ZNF518A: variants seen among roughly 807,000 people sequenced by gnomAD.
ZNF518A encodes the protein zinc finger protein 518.
A neutral mutation model predicts 102.7 loss-of-function variants in ZNF518A; 47 were observed. That is an observed-to-expected ratio of 0.46 (90% CI 0.36 to 0.58). The LOEUF is 0.58. Ranked by LOEUF, ZNF518A falls within the 20% of genes least tolerant of loss-of-function variation. ZNF518A has a pLI of 0.00. For synonymous variants in ZNF518A, 652 were observed against 594.6 expected (o/e 1.10, Z -1.40); for missense variants, 1,793 against 1,699.8 (o/e 1.05, Z -0.96).
In ZNF518A at chr10:96,157,785, C is replaced by G. The variant is rs782441860; in HGVS notation, c.1463C>G (p.Thr488Ser). The G allele has an allele frequency of 3.1e-6, 5 of 1,613,740 alleles. No individual in the cohort carries two copies. Among genetic ancestry groups the G allele is most frequent in the Non-Finnish European group, 4.2e-6 (5 of 1,179,786 alleles). Residue 488 changes from threonine to serine, a missense_variant, in exon 6 of 6, where the codon ACT becomes AGT. Thr to Ser is a moderately conservative substitution (Grantham distance 58). Transcript: ENST00000316045. ...GGTACTGCTAATTTGCAGCCCCAGA[C>G]TTTGGACACTAATGGATTTTTAACA... is the stretch of plus-strand genomic sequence containing the variant. The part of the protein sequence containing the change: ...KDGTANLQPQ[T>S]LDTNGFLTGV...
chr10:96,130,409 T>G lies in ZNF518A; in HGVS notation c.-796T>G, dbSNP rs2142157838. 6.6e-6 allele frequency among the ~76,000 whole-genome samples: 1 copy of G among 152,340 alleles called. No homozygotes were observed. Among genetic ancestry groups the G allele is most frequent in the East Asian group, 1.9e-4 (1 of 5,182 alleles). ...CCTGGGGTTGTTTTACTTCCGGGCT[T>G]TTTGAACTCTACACTCTCCTACATT... On this transcript the variant is annotated 5_prime_UTR_variant, in exon 1 of 6. Transcript: ENST00000316045.
chr10:96,145,623 G>C (rs917833943), intron 3 of ZNF518A, among the ~76,000 whole-genome samples: 1 of 152,208 alleles, frequency 6.6e-6, no homozygotes, highest in Admixed American at 6.5e-5. Flanking sequence ...GACTGGGTAC[G>C]TGTGTGTTGA....
chr10:96,155,239 A>G (rs2082645359), intron 3 of ZNF518A, 87 bp from the exon 4 acceptor site: 1 of 152,166 alleles, frequency 6.6e-6, no homozygotes, highest in Admixed American at 6.5e-5. Context: ...TTTAAAGGAT[A>G]TTTTTACATA....
chr10:96,194,528 G>A (rs1554894218), intron 1 of ZNF518A, among the ~76,000 whole-genome samples: 1 of 152,066 alleles, frequency 6.6e-6, no homozygotes, highest in African/African-American at 2.4e-5. Flanking sequence ...CTTTTGCTCA[G>A]CAAATAACAC....
chr10:96,138,717 A>G (rs1185421721), intron 3 of ZNF518A, among the ~76,000 whole-genome samples: 1 of 152,150 alleles, frequency 6.6e-6, no homozygotes, highest in Non-Finnish European at 1.5e-5. Context: ...TTACTGCCAT[A>G]TTCCCAATGC....
Position 96,161,593 on chromosome 10 carries a change from C to T in ZNF518A, c.*819C>T, listed in dbSNP as rs2083002694. On this transcript the variant is annotated 3_prime_UTR_variant, in exon 6 of 6. Transcript: ENST00000316045. ...CCTTTGCACAGAACTATGCTTATCT[C>T]ATGTTTGTCCTCCATAAACAAATGG... The T allele has an allele frequency of 6.0e-6, 1 of 166,750 alleles. No homozygotes were observed. Among genetic ancestry groups the T allele is most frequent in the South Asian group, 2.1e-4 (1 of 4,834 alleles). 10.3% of individuals were successfully genotyped at this position (166,750 alleles called of 1,614,324 possible).
intron 1 of ZNF518A, among the ~76,000 whole-genome samples, chr10:96,193,204 C>T (rs2083371780): frequency 6.6e-6 from 1 of 152,190 alleles, no homozygotes; most frequent in Admixed American, 6.5e-5. Flanking sequence ...AGCCATCTTG[C>T]AATTGCCAAA....
chr10:96,144,031 G>A (rs1227471406), intron 3 of ZNF518A, among the ~76,000 whole-genome samples: 1 of 152,100 alleles, frequency 6.6e-6, no homozygotes, highest in Non-Finnish European at 1.5e-5. Context: ...TGTCACCTAG[G>A]CTGGAGTGCA....
chr10:96,145,503 T>C (rs1020687916), intron 3 of ZNF518A, among the ~76,000 whole-genome samples: 3 of 152,248 alleles, frequency 2.0e-5, no homozygotes, highest in African/African-American at 7.2e-5. Context: ...ACTTCTCTTA[T>C]AGCATGAATT....
In ZNF518A at chr10:96,159,760, A is replaced by G; in HGVS notation, c.3438A>G (p.Lys1146=). 6.2e-7 allele frequency: 1 copy of G among 1,613,498 alleles called. No homozygotes were observed. The highest frequency in any genetic ancestry group is 8.5e-7 in the Non-Finnish European group (1 of 1,179,792). ...GAACACCACAAAGAATATTGCTGAA[A>G]ATTTTTAACCCTGTTTTAAATGTGA... is the stretch of plus-strand genomic sequence containing the variant. ...PEGTPQRILL[K]IFNPVLNVTA... is the part of the protein sequence containing the mutation. The change falls in exon 6 of 6, where the codon AAA becomes AAG. Residue 1146 remains lysine (K), a synonymous_variant. Coordinates refer to ENST00000316045, the MANE Select transcript of ZNF518A (RefSeq NM_001330736.2).
rs895691306 is a variant in ZNF518A at position 96,197,053 on chromosome 10, A to T, written n.36-6521A>T. On this transcript the variant is annotated intron_variant and non_coding_transcript_variant, in intron 1 of 2. Transcript: ENST00000442635. Reference sequence around the variant, plus strand: ...ATGGCCAGAGCTTTTCCGAATAAGAAATGATCCATCCTGTTTAATTTTTTT... The same window carrying T: ...ATGGCCAGAGCTTTTCCGAATAAGATATGATCCATCCTGTTTAATTTTTTT... 2 of 1,612,404 alleles carry T rather than the reference A, an allele frequency of 1.2e-6. No individual in the cohort carries two copies. The highest frequency in any genetic ancestry group is 1.3e-5 in the African/African-American group (1 of 74,880).
chr10:96,170,887 C>T (rs781994127), intron 1 of ZNF518A, among the ~76,000 whole-genome samples: 94 of 151,960 alleles, frequency 6.2e-4, no homozygotes, highest in Non-Finnish European at 8.7e-4. Flanking sequence ...GGAGACGTAA[C>T]CCAATTTAAA....
rs782361146 is a variant in ZNF518A, at chr10:96,157,867, A to G, written c.1545A>G (p.Ser515=). 11 of 1,613,918 alleles carry G rather than the reference A, an allele frequency of 6.8e-6. No individual in the cohort carries two copies. The highest frequency in any genetic ancestry group is 1.1e-5 in the South Asian group (1 of 91,082). The change falls in exon 6 of 6, where the codon TCA becomes TCG. Residue 515 remains serine (S), a synonymous_variant. Transcript: ENST00000316045. ...TVYMKAATPF[S]CSSSILSGKA... ...ATATGAAAGCAGCTACTCCATTTTC[A>G]TGTTCATCTTCTATACTTTCAGGGA...
chr10:96,184,948 G>A (rs922556772), intron 1 of ZNF518A, among the ~76,000 whole-genome samples: 2 of 152,130 alleles, frequency 1.3e-5, no homozygotes, highest in East Asian at 1.9e-4. Context: ...CCAATCAAAC[G>A]TAGATTTGGT....
chr10:96,181,119 G>T (rs1242987669), intron 1 of ZNF518A, among the ~76,000 whole-genome samples: 1 of 152,204 alleles, frequency 6.6e-6, no homozygotes, highest in Non-Finnish European at 1.5e-5. Context: ...TTTTTCATGT[G>T]TCTGTTGGCT....
intron 1 of ZNF518A, among the ~76,000 whole-genome samples, chr10:96,195,566 C>A (rs2083444470): frequency 6.6e-6 from 1 of 152,142 alleles, no homozygotes; most frequent in South Asian, 2.1e-4. Context: ...TCCTAAAGGA[C>A]AAATACTGTG....
chr10:96,189,400 C>A, intron 1 of ZNF518A: 1 of 591,690 alleles, frequency 1.7e-6, no homozygotes. Flanking sequence ...TGAATAGTCT[C>A]CTGGTCAGTT....
chr10:96,132,131 C>T (rs995444184), intron 1 of ZNF518A, among the ~76,000 whole-genome samples: 12 of 151,432 alleles, frequency 7.9e-5, no homozygotes, highest in African/African-American at 2.9e-4. Flanking sequence ...TTAACACCGT[C>T]TTGAAATTTT....
chr10:96,203,530 G>GT (rs1393220579), intron 1 of ZNF518A: 1 of 152,108 alleles, frequency 6.6e-6, no homozygotes, highest in Non-Finnish European at 1.5e-5. Flanking sequence ...GGTTTGGGCA[G>GT]TTACGTTCTG....
Sources: gnomAD v4.1 joint callset for allele counts (sites outside exome capture counted in the v4.1 genomes callset) on GRCh38, gnomAD v4.1.1 for gene constraint, MANE v1.5 for transcripts, NCBI Gene and HGNC (gene_info 2026-07-23, HGNC 2026-07-21) for gene names.